The following PAK3 variants were observed in gnomAD, a reference collection of about 807,000 sequenced individuals.
The protein encoded by PAK3 is serine/threonine-protein kinase PAK 3.
In PAK3, 4 loss-of-function variants were observed where a neutral mutation model predicts 41.0. The observed-to-expected ratio is 0.10, with a 90% CI of 0.05 to 0.22. PAK3 has a LOEUF of 0.22. Among genes scored for constraint, PAK3 ranks in the 10% least tolerant of loss-of-function variants. The pLI, the probability that PAK3 is intolerant of heterozygous loss-of-function variation, is 1.00. For synonymous variants in PAK3, 146 were observed against 139.6 expected, an observed-to-expected ratio of 1.05 and a Z score of -0.32; for missense variants, 205 against 409.9, an observed-to-expected ratio of 0.50 and a Z score of 4.32.
At chrX:111,167,533 G>A (rs1484456909) in intron 10 of PAK3, among the ~76,000 whole-genome samples, 2 of 111,176 alleles carry the variant, frequency 1.8e-5, no homozygotes, top group African/African-American at 3.3e-5. Flanking sequence ...GAAATGAACA[G>A]GTCATCTTTC....
intron 1 of PAK3, among the ~76,000 whole-genome samples, chrX:110,960,921 T>C (rs1475654195): frequency 8.9e-6 from 1 of 111,954 alleles, no homozygotes; most frequent in Non-Finnish European, 1.9e-5. Flanking sequence ...TCGTGGATGT[T>C]AGTCCCTCCT....
chrX:111,183,628 C>T (rs1023617579), intron 11 of PAK3, among the ~76,000 whole-genome samples: 3 of 111,617 alleles, frequency 2.7e-5, no homozygotes, highest in African/African-American at 9.8e-5. Context: ...AATTATTAGT[C>T]CTACCATGTT....
intron 1 of PAK3, among the ~76,000 whole-genome samples, chrX:110,988,786 T>A (rs2091592109): frequency 8.9e-6 from 1 of 111,872 alleles, no homozygotes; most frequent in Admixed American, 9.5e-5. Flanking sequence ...TGGCCTGAAA[T>A]GTAAGGGCAA....
At chrX:111,049,514 A>G (rs925938102) in intron 1 of PAK3, among the ~76,000 whole-genome samples, 1 of 112,111 alleles carries the variant, frequency 8.9e-6, no homozygotes, top group African/African-American at 3.2e-5. Flanking sequence ...AGTGATACAA[A>G]CAACAATCAA....
chrX:111,065,919 T>C (rs1192252311), intron 1 of PAK3, among the ~76,000 whole-genome samples: 1 of 111,831 alleles, frequency 8.9e-6, no homozygotes, highest in Non-Finnish European at 1.9e-5. Context: ...TCTTTGTCAT[T>C]TCTGATCATA....
chrX:111,010,446 C>G (rs947856579), intron 1 of PAK3, among the ~76,000 whole-genome samples: 1 of 111,541 alleles, frequency 9.0e-6, no homozygotes, highest in Admixed American at 9.5e-5. Context: ...GATCTGTATT[C>G]CCTTCAAATC....
intron 1 of PAK3, among the ~76,000 whole-genome samples, chrX:111,068,183 G>A (rs2092714868): frequency 9.0e-6 from 1 of 111,409 alleles, no homozygotes; most frequent in South Asian, 3.7e-4. Context: ...TTTAATGAAG[G>A]TTTGACTCTT....
intron 5 of PAK3, among the ~76,000 whole-genome samples, chrX:111,127,891 C>T (rs893840983): frequency 4.5e-5 from 5 of 111,572 alleles, no homozygotes; most frequent in Admixed American, 1.9e-4. Flanking sequence ...TTGTAAGCCA[C>T]CTGACATCCA....
chrX:111,172,854 T>A (rs1004258572), intron 10 of PAK3, among the ~76,000 whole-genome samples, 164 bp from the exon 11 acceptor site: 2 of 111,373 alleles, frequency 1.8e-5, no homozygotes, highest in Non-Finnish European at 3.8e-5. Context: ...ATGTAAATTA[T>A]AGAAATCCCA....
intron 1 of PAK3, among the ~76,000 whole-genome samples, chrX:110,982,032 G>GA (rs960277512): frequency 9.1e-6 from 1 of 110,051 alleles, no homozygotes; most frequent in Admixed American, 9.7e-5. Flanking sequence ...CTGGGTGGGA[G>GA]AAAAAAAATG....
At chrX:111,025,629 C>T (rs373983194) in intron 1 of PAK3, among the ~76,000 whole-genome samples, 37 of 110,326 alleles carry the variant, frequency 3.4e-4, no homozygotes, top group African/African-American at 1.2e-3. Context: ...TAACAAGCAG[C>T]GAGATTCAAA....
chrX:111,146,028 A>C (rs1433702760), intron 6 of PAK3, among the ~76,000 whole-genome samples: 1 of 111,937 alleles, frequency 8.9e-6, no homozygotes, highest in Admixed American at 9.5e-5. Context: ...CCATCCTTTG[A>C]ATTTTAGCCA....
chrX:110,999,777 C>G (rs899801655), intron 1 of PAK3, among the ~76,000 whole-genome samples: 1 of 109,125 alleles, frequency 9.2e-6, no homozygotes, highest in Non-Finnish European at 1.9e-5. Flanking sequence ...AGTTTGAGAA[C>G]AGCCTGGCCA....
At position 111,224,700 on chromosome X, in the gene PAK3, A is replaced by G. The variant is rs952167658; in HGVS notation, c.*4253A>G. 6 of 112,124 alleles carry G rather than the reference A, an allele frequency of 5.4e-5. No homozygotes were observed. Among genetic ancestry groups the G allele is most frequent in the Non-Finnish European group, 1.1e-4 (6 of 53,252 alleles). 9.2% of individuals were successfully genotyped at this position (112,124 alleles called of 1,213,427 possible). Reference sequence around the variant, plus strand: ...GCAGTAGTTGTGATTTTTAAAGAGCAAGGGAGACCATCTAACCAAAGGATA... The same window carrying G: ...GCAGTAGTTGTGATTTTTAAAGAGCGAGGGAGACCATCTAACCAAAGGATA... On this transcript the variant is annotated 3_prime_UTR_variant, in exon 18 of 18. Coordinates refer to ENST00000372007, the MANE Select transcript of PAK3 (RefSeq NM_002578.5).
At chrX:110,952,663 C>T (rs955174718) in intron 1 of PAK3, among the ~76,000 whole-genome samples, 1 of 110,746 alleles carries the variant, frequency 9.0e-6, no homozygotes, top group African/African-American at 3.3e-5. Flanking sequence ...GATTATTGTC[C>T]CCAAAGGAAT....
chrX:111,162,782 T>C (rs975469109), intron 8 of PAK3, 133 bp from the exon 9 acceptor site: 8 of 613,327 alleles, frequency 1.3e-5, no homozygotes, highest in Admixed American at 2.3e-5. Context: ...TTGTTGATGA[T>C]TCTGATCATT....
chrX:111,040,680 A>G (rs1055156040), intron 1 of PAK3, among the ~76,000 whole-genome samples: 2 of 111,922 alleles, frequency 1.8e-5, no homozygotes, highest in East Asian at 5.6e-4. Flanking sequence ...AGTGTTTAGT[A>G]TAGTGCCCTT....
At chrX:111,043,834 A>G (rs2092473578) in intron 1 of PAK3, among the ~76,000 whole-genome samples, 1 of 111,180 alleles carries the variant, frequency 9.0e-6, no homozygotes, top group African/African-American at 3.3e-5. Context: ...CTCACCTTCT[A>G]TTGGATCTGG....
chrX:111,203,970 T>C (rs1055394943), intron 16 of PAK3, among the ~76,000 whole-genome samples: 9 of 111,891 alleles, frequency 8.0e-5, no homozygotes, highest in Non-Finnish European at 1.3e-4. Context: ...TTATTGATGG[T>C]TTGTTGACAC....
Sources: gnomAD v4.1 joint callset for allele counts (sites outside exome capture counted in the v4.1 genomes callset) on GRCh38, gnomAD v4.1.1 for gene constraint, MANE v1.5 for transcripts, NCBI Gene and HGNC (gene_info 2026-07-23, HGNC 2026-07-21) for gene names.